The following KHNYN variants were observed in gnomAD, a reference collection of about 807,000 sequenced individuals.
KHNYN encodes the protein protein KHNYN.
Under a neutral mutation model 62.7 loss-of-function variants are expected in KHNYN, and 42 were observed. That is an observed-to-expected ratio of 0.67 (90% CI 0.52 to 0.87). The LOEUF (loss-of-function observed/expected upper bound fraction) is 0.87, where lower values mean the gene tolerates loss of function less well. Among genes scored for constraint, KHNYN ranks in the 40% least tolerant of loss-of-function variants. The pLI is 0.00. For synonymous variants in KHNYN, 347 were observed against 345.6 expected (o/e 1.00, Z -0.04); for missense variants, 829 against 874.1 (o/e 0.95, Z 0.65).
chr14:24,425,813 A>G (rs998944259), upstream of KHNYN, among the ~76,000 whole-genome samples: 5 of 152,256 alleles, frequency 3.3e-5, no homozygotes, highest in African/African-American at 1.2e-4. Context: ...CCATTGTCTT[A>G]TAACACGCCA....
At chr14:24,425,399 TTTCAGAAAGC>T (rs574470755), upstream of KHNYN, among the ~76,000 whole-genome samples, 10 of 152,284 alleles carry the variant, frequency 6.6e-5, no homozygotes, top group South Asian at 1.2e-3. Context: ...TTGGTGCATA[TTTCAGAAAGC>T]TTCTTTCAAG....
At chr14:24,433,066 T>C (rs781507682) in intron 5 of KHNYN, 34 bp downstream of exon 5, 1 of 1,569,694 alleles carries the variant, frequency 6.4e-7, no homozygotes, top group Non-Finnish European at 8.8e-7. Context: ...AGGCTTGATA[T>C]TGAAGGAGCC....
Position 24,436,833 on chromosome 14 carries a change from A to T in KHNYN, c.1788-203A>T, listed in dbSNP as rs78003022. ...ACTAGAACTAGATCATAATAGTGGC[A>T]GAGTTCACCCTGTTTCTAAAAGAAC... On this transcript the variant is annotated intron_variant, in intron 7 of 7. Coordinates refer to ENST00000553935, the MANE Select transcript of KHNYN (RefSeq NM_015299.3). 3.3e-4 allele frequency among the ~76,000 whole-genome samples: 51 copies of T among 152,348 alleles called. No individual in the cohort carries two copies. The East Asian group carries it at 7.1e-3, about 21-fold the overall frequency.
In KHNYN at chr14:24,431,602, G is replaced by C; in HGVS notation, c.341G>C (p.Arg114Thr). 1 of 1,613,390 alleles carries C rather than the reference G, an allele frequency of 6.2e-7. No individual in the cohort carries two copies. Among genetic ancestry groups the C allele is most frequent in the Non-Finnish European group, 8.5e-7 (1 of 1,179,468 alleles). The change falls in exon 3 of 8, where the codon AGG (arginine) becomes ACG (threonine). Residue 114 changes from arginine (R) to threonine (T), a missense_variant. Physicochemically the swap from Arg to Thr is moderately conservative, Grantham distance 71 (BLOSUM62 -1). This residue lies in a region of KHNYN where 559 missense variants were observed against 527.0 expected (regional missense o/e 1.06). Coordinates refer to ENST00000553935, the MANE Select transcript of KHNYN (RefSeq NM_015299.3). Reference protein sequence around the residue: ...AWSTSAHLVPRAPGSLMISGL... With the variant: ...AWSTSAHLVPTAPGSLMISGL... ...AGCACGTCAGCCCATCTGGTGCCCA[G>C]GGCGCCAGGCTCACTGATGATCAGT...
At chr14:24,428,880 G>GC (rs1385647942), upstream of KHNYN, 10 of 1,601,736 alleles carry the variant, frequency 6.2e-6, no homozygotes, top group South Asian at 3.3e-5. Context: ...GCTCCCCCGG[G>GC]CCCCCCTGCA....
chr14:24,430,232 G>C, intron 1 of KHNYN, 113 bp downstream of exon 1: 1 of 839,788 alleles, frequency 1.2e-6, no homozygotes, highest in Non-Finnish European at 1.4e-6. Flanking sequence ...GGCCCGGCCC[G>C]GCCCCTGGGC....
In KHNYN at chr14:24,430,100, C is replaced by CGGCGCGGGCGGCGGAGGCGGTA. The variant is rs2043076068; in HGVS notation, c.-30_-18+9dup. On this transcript the variant is annotated 5_prime_UTR_variant, in exon 1 of 8. Coordinates refer to ENST00000553935, the MANE Select transcript of KHNYN (RefSeq NM_015299.3). Reference sequence around the variant, plus strand: ...GGCGGGCGCTGAGAGGACCTGAAGCCGGCGCGGGCGGCGGAGGCGGTAGGC... The same window carrying CGGCGCGGGCGGCGGAGGCGGTA: ...GGCGGGCGCTGAGAGGACCTGAAGCCGGCGCGGGCGGCGGAGGCGGTAGGCGCGGGCGGCGGAGGCGGTAGGC... 14 of 985,178 alleles carry CGGCGCGGGCGGCGGAGGCGGTA rather than the reference C, an allele frequency of 1.4e-5. No individual in the cohort carries two copies. The highest frequency in any genetic ancestry group is 1.7e-5 in the Non-Finnish European group (14 of 830,138). 61.0% of individuals were successfully genotyped at this position (985,178 alleles called of 1,614,324 possible).
upstream of KHNYN, among the ~76,000 whole-genome samples, chr14:24,425,445 C>T (rs765664076): frequency 1.4e-4 from 22 of 152,172 alleles, no homozygotes; most frequent in Admixed American, 3.3e-4. Context: ...TTTCTTCCTT[C>T]CTCCTTCCTG....
At position 24,432,209 on chromosome 14, in the gene KHNYN, A is replaced by G. The variant is rs779023878; in HGVS notation, c.948A>G (p.Gly316=). The G allele has an allele frequency of 6.3e-7, 1 of 1,593,068 alleles. No homozygotes were observed. Among genetic ancestry groups the G allele is most frequent in the Non-Finnish European group, 8.6e-7 (1 of 1,168,034 alleles). Residue 316 remains glycine (G), a synonymous_variant, in exon 3 of 8, where the codon GGA becomes GGG. Transcript: ENST00000553935. The surrounding 1 kb of genome is among the most constrained non-coding windows in gnomAD (Gnocchi z 5.6). ...GGAAGGAGGAGATAGCTCTGGGAGGAGGAGGGTTCTGTGTCCACCGTGAGC... is the reference window on the plus strand; with the variant it reads ...GGAAGGAGGAGATAGCTCTGGGAGGGGGAGGGTTCTGTGTCCACCGTGAGC... ...ALGKEEIALG[G]GGFCVHREPP...
At position 24,431,662 on chromosome 14, in the gene KHNYN, G is replaced by C; in HGVS notation, c.401G>C (p.Arg134Pro). Residue 134 changes from arginine to proline, a missense_variant, in exon 3 of 8, where the codon CGG becomes CCG. Physicochemically the swap from Arg to Pro is moderately radical, Grantham distance 103. This residue lies in a region of KHNYN where 559 missense variants were observed against 527.0 expected (regional missense o/e 1.06). Transcript: ENST00000553935. ...LTEAFVMAQS[R>P]VEELAERLSW... ...GAAGCCTTTGTCATGGCTCAGAGCC[G>C]GGTAGAAGAGCTGGCAGAGCGGCTG... 6.2e-7 allele frequency: 1 copy of C among 1,614,140 alleles called. No individual in the cohort carries two copies. Among genetic ancestry groups the C allele is most frequent in the Non-Finnish European group, 8.5e-7 (1 of 1,180,024 alleles).
In KHNYN at chr14:24,430,746, G is replaced by A. The variant is rs369876577; in HGVS notation, c.16G>A (p.Ala6Thr). 1.9e-6 allele frequency: 3 copies of A among 1,567,862 alleles called. No homozygotes were observed. The highest frequency in any genetic ancestry group is 2.7e-5 in the African/African-American group (2 of 73,772). ...GGCAGCAGCCATGCCTACCTGGGGG[G>A]CCCGCCCCGCGTCCCCAGATCGCTT... MPTWG[A>T]RPASPDRFAV... The change falls in exon 2 of 8, where the codon GCC (alanine) becomes ACC (threonine). Residue 6 changes from alanine to threonine, a missense_variant. By Grantham distance (58) the Ala-to-Thr change is moderately conservative (BLOSUM62 0). This residue lies in a region of KHNYN where 559 missense variants were observed against 527.0 expected (regional missense o/e 1.06). Transcript: ENST00000553935.
rs1417611908 is a variant in KHNYN, at chr14:24,440,470, AC to A, written c.*3190del. The A allele has an allele frequency of 1.2e-6, 2 of 1,607,528 alleles. No homozygotes were observed. The highest frequency in any genetic ancestry group is 1.7e-6 in the Non-Finnish European group (2 of 1,177,020). ...GCAGCAGCATGTGGCCCATGGCACC[AC>A]CCCCACGGCCCAGCACAACCCCTAG... is the stretch of plus-strand genomic sequence containing the variant. On this transcript the variant is annotated 3_prime_UTR_variant, in exon 8 of 8. Coordinates refer to ENST00000553935, the MANE Select transcript of KHNYN (RefSeq NM_015299.3).
chr14:24,440,953 C>G lies in KHNYN; in HGVS notation c.*3668C>G. 6.2e-7 allele frequency: 1 copy of G among 1,613,788 alleles called. No individual in the cohort carries two copies. On this transcript the variant is annotated 3_prime_UTR_variant, in exon 8 of 8. Transcript: ENST00000553935. ...TGCCGGTGGAACACAATCATTTGCC[C>G]TGGGTGTCCTTGGTCCTGCCTGGCT...
upstream of KHNYN, chr14:24,429,018 G>A (rs1323205069): frequency 6.5e-7 from 1 of 1,533,154 alleles, no homozygotes; most frequent in Non-Finnish European, 8.8e-7. Flanking sequence ...GGACTGTGTA[G>A]GGGACCTGGT....
intron 2 of KHNYN, 29 bp downstream of exon 2, chr14:24,430,960 A>G (rs1312055644): frequency 6.3e-6 from 10 of 1,589,504 alleles, no homozygotes; most frequent in Non-Finnish European, 8.6e-6. Flanking sequence ...CCATCCCTCC[A>G]GGCACCAAGG....
At chr14:24,434,280 C>T (rs1044803365) in intron 5 of KHNYN, 3 of 985,252 alleles carry the variant, frequency 3.0e-6, no homozygotes, top group African/African-American at 3.5e-5. Context: ...AGTGAATAAG[C>T]ACAGTGGTAC....
intron 5 of KHNYN, among the ~76,000 whole-genome samples, chr14:24,435,113 G>A (rs537617508): frequency 1.3e-5 from 2 of 151,922 alleles, no homozygotes; most frequent in Non-Finnish European, 2.9e-5. Flanking sequence ...ATTACTGAAT[G>A]GAGCCCAGGC....
chr14:24,423,328 G>C, the KHNYN span, among the ~76,000 whole-genome samples: 2 of 152,200 alleles, frequency 1.3e-5, no homozygotes, highest in Non-Finnish European at 2.9e-5. Flanking sequence ...CTGCTGAAGG[G>C]AAGGAGTGAG....
upstream of KHNYN, among the ~76,000 whole-genome samples, chr14:24,425,623 C>T (rs2043012712): frequency 6.6e-6 from 1 of 152,182 alleles, no homozygotes; most frequent in African/African-American, 2.4e-5. Context: ...AAAATGATTT[C>T]CTATTTTGTT....
Sources: allele counts gnomAD v4.1 joint callset (sites outside exome capture counted in the v4.1 genomes callset), GRCh38; gene constraint gnomAD v4.1.1; regional missense constraint gnomAD v4.1.1; non-coding constraint Gnocchi (gnomAD v3.1); transcripts MANE v1.5; gene names NCBI Gene and HGNC (gene_info 2026-07-23, HGNC 2026-07-21).